MACROD2: variants seen among roughly 807,000 people sequenced by gnomAD.
The protein encoded by MACROD2 is mono-ADP ribosylhydrolase 2, also known as ADP-ribose glycohydrolase MACROD2.
MACROD2 carries 36 observed loss-of-function variants against 70.4 expected under a neutral mutation model. The ratio of observed to expected loss-of-function variants is 0.51; its 90% CI spans 0.39 to 0.68. The LOEUF (loss-of-function observed/expected upper bound fraction) is 0.68. Among genes scored for constraint, MACROD2 ranks in the 30% least tolerant of loss-of-function variants. The pLI, the probability that MACROD2 is intolerant of heterozygous loss-of-function variation, is 0.00. For missense variants in MACROD2, 496 were observed against 538.4 expected, an observed-to-expected ratio of 0.92 and a Z score of 0.78; for synonymous variants, 172 against 178.8, an observed-to-expected ratio of 0.96 and a Z score of 0.30.
intron 3 of MACROD2, among the ~76,000 whole-genome samples, chr20:14,454,749 CTTTT>C (rs11087091): frequency 2.5e-5 from 2 of 80,640 alleles, no homozygotes; most frequent in African/African-American, 5.4e-5. Context: ...TCTCTACACT[CTTTT>C]TTTTTTTTTT....
chr20:15,439,765 A>C (rs1250410982), intron 7 of MACROD2, among the ~76,000 whole-genome samples: 1 of 152,308 alleles, frequency 6.6e-6, no homozygotes, highest in East Asian at 1.9e-4. Flanking sequence ...TGACGTTTCC[A>C]GGATGGTTCC....
At chr20:15,828,274 G>A (rs2064019091) in intron 8 of MACROD2, among the ~76,000 whole-genome samples, 2 of 152,084 alleles carry the variant, frequency 1.3e-5, no homozygotes, top group Non-Finnish European at 2.9e-5. Flanking sequence ...ATAAAATATG[G>A]ATAAAACTTA....
chr20:15,725,970 T>A (rs946367884), intron 8 of MACROD2, among the ~76,000 whole-genome samples: 4 of 152,102 alleles, frequency 2.6e-5, no homozygotes, highest in African/African-American at 9.7e-5. Context: ...ATCTACATAA[T>A]TTTATATAGG....
chr20:14,961,614 A>G (rs898772663), intron 5 of MACROD2, among the ~76,000 whole-genome samples: 1 of 151,690 alleles, frequency 6.6e-6, no homozygotes, highest in Non-Finnish European at 1.5e-5. Context: ...TGCAGCCTAG[A>G]CCTCCTGGGC....
At chr20:14,683,740 C>A (rs1273348338) in intron 4 of MACROD2, among the ~76,000 whole-genome samples, 1 of 152,114 alleles carries the variant, frequency 6.6e-6, no homozygotes, top group Non-Finnish European at 1.5e-5. Context: ...TAATAAAGAT[C>A]AAGGATCAAT....
At chr20:14,513,144 T>G (rs2085049487) in intron 4 of MACROD2, among the ~76,000 whole-genome samples, 1 of 152,172 alleles carries the variant, frequency 6.6e-6, no homozygotes, top group Non-Finnish European at 1.5e-5. Flanking sequence ...AGGTCTCTTA[T>G]TTGTTGACTG....
rs115519144 is a variant in MACROD2 at position 14,586,514 on chromosome 20, G to A, written c.301+93006G>A. On this transcript the variant is annotated intron_variant, in intron 4 of 17. Coordinates refer to ENST00000684519, the MANE Select transcript of MACROD2 (RefSeq NM_001351661.2). ...AGTACTAGTTTCAATATCAAAAGAC[G>A]AAGAGAAATGGTTATTTAGAACTCT... 7.5e-3 allele frequency among the ~76,000 whole-genome samples: 1,143 copies of A among 152,098 alleles called. 8 individuals are homozygous for A. Among genetic ancestry groups the A allele is most frequent in the African/African-American group, 0.025 (1,031 of 41,542 alleles).
intron 5 of MACROD2, among the ~76,000 whole-genome samples, chr20:15,040,287 C>T (rs551260313): frequency 2.7e-5 from 4 of 150,716 alleles, no homozygotes; most frequent in Non-Finnish European, 2.9e-5. Context: ...TGCACTCCAG[C>T]CTGGGCGACA....
At chr20:15,423,781 A>G (rs1019152913) in intron 6 of MACROD2, among the ~76,000 whole-genome samples, 6 of 151,810 alleles carry the variant, frequency 4.0e-5, no homozygotes, top group Admixed American at 3.3e-4. Flanking sequence ...GATTTAGGGC[A>G]TGGACACAAC....
At chr20:14,974,565 G>T (rs549701596) in intron 5 of MACROD2, among the ~76,000 whole-genome samples, 1 of 152,050 alleles carries the variant, frequency 6.6e-6, no homozygotes, top group African/African-American at 2.4e-5. Context: ...TTTGCTATAC[G>T]TGAATTGACA....
At chr20:15,505,980 C>T (rs1422570272) in intron 8 of MACROD2, among the ~76,000 whole-genome samples, 1 of 152,168 alleles carries the variant, frequency 6.6e-6, no homozygotes, top group African/African-American at 2.4e-5. Flanking sequence ...GGAAACACAA[C>T]ACCTGTGGTA....
At chr20:14,790,688 T>C (rs2072440209) in intron 5 of MACROD2, among the ~76,000 whole-genome samples, 2 of 152,058 alleles carry the variant, frequency 1.3e-5, no homozygotes, top group Non-Finnish European at 2.9e-5. Context: ...AAAAGTAGAC[T>C]CCAAAGACCA....
chr20:14,544,158 G>A (rs532321263), intron 4 of MACROD2, among the ~76,000 whole-genome samples: 2 of 151,448 alleles, frequency 1.3e-5, no homozygotes, highest in South Asian at 2.1e-4. Flanking sequence ...GACTCTTTTC[G>A]AAACTATTGT....
intron 3 of MACROD2, among the ~76,000 whole-genome samples, chr20:14,092,263 G>A (rs80244723): frequency 0.023 from 3,539 of 152,046 alleles, 41 homozygotes; most frequent in African/African-American, 0.029. Context: ...GGTTAATTAT[G>A]TCAAACACCT....
chr20:14,637,758 A>AT (rs201852813), intron 4 of MACROD2, among the ~76,000 whole-genome samples: 171 of 150,474 alleles, frequency 1.1e-3, no homozygotes, highest in African/African-American at 4.0e-3. Flanking sequence ...AACAGTGTGA[A>AT]TTTTTTTTTT....
intron 3 of MACROD2, among the ~76,000 whole-genome samples, chr20:14,118,127 TA>T: frequency 6.6e-6 from 1 of 152,322 alleles, no homozygotes; most frequent in East Asian, 1.9e-4. Context: ...TATACAGCAA[TA>T]AAAGTGAATA....
chr20:15,102,556 G>T (rs1305225689), intron 5 of MACROD2, among the ~76,000 whole-genome samples: 1 of 151,950 alleles, frequency 6.6e-6, no homozygotes, highest in Non-Finnish European at 1.5e-5. Flanking sequence ...AGAAAAGAGT[G>T]GGAAGTATCA....
At chr20:14,039,434 G>A (rs1438985768) in intron 2 of MACROD2, among the ~76,000 whole-genome samples, 1 of 151,936 alleles carries the variant, frequency 6.6e-6, no homozygotes, top group Non-Finnish European at 1.5e-5. Context: ...TAAATCTTAT[G>A]TTTTATTTTT....
intron 4 of MACROD2, among the ~76,000 whole-genome samples, chr20:14,584,657 T>C (rs1350173196): frequency 6.6e-6 from 1 of 152,168 alleles, no homozygotes; most frequent in Non-Finnish European, 1.5e-5. Flanking sequence ...ATTTGAAATT[T>C]GGTGGGGGGA....
Sources: gnomAD v4.1 joint callset for allele counts (sites outside exome capture counted in the v4.1 genomes callset) on GRCh38, gnomAD v4.1.1 for gene constraint, MANE v1.5 for transcripts, NCBI Gene and HGNC (gene_info 2026-07-23, HGNC 2026-07-21) for gene names.